The following ARFGEF3 variants were observed in gnomAD, a reference collection of about 807,000 sequenced individuals.
ARFGEF3 encodes ARFGEF family member 3, also known as brefeldin A-inhibited guanine nucleotide-exchange protein 3.
A neutral mutation model predicts 221.7 loss-of-function variants in ARFGEF3; 96 were observed. That is an observed-to-expected ratio of 0.43 (90% CI 0.37 to 0.51). The LOEUF (loss-of-function observed/expected upper bound fraction) is 0.51. Among genes scored for constraint, ARFGEF3 ranks in the 20% least tolerant of loss-of-function variants. The pLI, the probability that ARFGEF3 is intolerant of heterozygous loss-of-function variation, is 0.00. For missense variants in ARFGEF3, 2,410 were observed against 2,789.9 expected (o/e 0.86, Z 3.07); for synonymous variants, 1,145 against 1,126.8 (o/e 1.02, Z -0.32).
chr6:138,195,830 C>T (rs1214241550), intron 2 of ARFGEF3, among the ~76,000 whole-genome samples: 3 of 152,142 alleles, frequency 2.0e-5, no homozygotes, highest in South Asian at 4.2e-4. Context: ...ACGCTTTCCA[C>T]GGTGCCATGA....
chr6:138,269,686 T>G (rs759956178), intron 12 of ARFGEF3, among the ~76,000 whole-genome samples: 17 of 151,920 alleles, frequency 1.1e-4, no homozygotes, highest in Middle Eastern at 3.2e-3. Context: ...TGCGTGCCTG[T>G]AGCCCAGCTA....
intron 2 of ARFGEF3, among the ~76,000 whole-genome samples, chr6:138,172,667 A>G (rs1776860501): frequency 6.6e-6 from 1 of 152,170 alleles, no homozygotes; most frequent in Admixed American, 6.5e-5. Context: ...ATTTATGTAA[A>G]CAAGGTGTCT....
intron 1 of ARFGEF3, among the ~76,000 whole-genome samples, chr6:138,169,217 C>T (rs4896326): frequency 0.12 from 18,589 of 152,142 alleles, 1,488 homozygotes; most frequent in East Asian, 0.38. Flanking sequence ...GGTGCCCTCT[C>T]CCCAGCTACC....
intron 24 of ARFGEF3, among the ~76,000 whole-genome samples, 165 bp downstream of exon 24, chr6:138,309,026 A>G (rs1315455595): frequency 3.9e-5 from 6 of 152,182 alleles, no homozygotes; most frequent in Admixed American, 2.0e-4. Context: ...ACTGTGAAAG[A>G]AGCTTGAATT....
chr6:138,294,940 T>C (rs1225737766), intron 20 of ARFGEF3, among the ~76,000 whole-genome samples: 1 of 152,162 alleles, frequency 6.6e-6, no homozygotes, highest in African/African-American at 2.4e-5. Flanking sequence ...GTATATTTGA[T>C]TTTTTCACCC....
In ARFGEF3 at chr6:138,323,776, A is replaced by T; in HGVS notation, c.4869+3A>T. The T allele has an allele frequency of 6.2e-7, 1 of 1,612,072 alleles. No individual in the cohort carries two copies. The highest frequency in any genetic ancestry group is 1.1e-5 in the South Asian group (1 of 91,056). On this transcript the variant is annotated splice_donor_region_variant and intron_variant, in intron 30 of 33. Transcript: ENST00000251691. ...CTGCCACACTCAAGCCAGTGAAGGTACATCACTGGGAGGAAGCCCTCCCTG... is the reference window on the plus strand; with the variant it reads ...CTGCCACACTCAAGCCAGTGAAGGTTCATCACTGGGAGGAAGCCCTCCCTG...
chr6:138,278,423 C>T, intron 12 of ARFGEF3, 28 bp from the exon 13 acceptor site: 1 of 1,609,776 alleles, frequency 6.2e-7, no homozygotes, highest in Admixed American at 1.7e-5. Flanking sequence ...GTTCACACCC[C>T]CAAAAGTCCC....
chr6:138,281,827 C>A (rs1302668541), intron 14 of ARFGEF3, among the ~76,000 whole-genome samples: 1 of 152,148 alleles, frequency 6.6e-6, no homozygotes, highest in Non-Finnish European at 1.5e-5. Flanking sequence ...GGCCATAATG[C>A]CAAAGATTGG....
intron 2 of ARFGEF3, among the ~76,000 whole-genome samples, chr6:138,187,956 T>G (rs958702417): frequency 6.6e-6 from 1 of 151,910 alleles, no homozygotes; most frequent in African/African-American, 2.4e-5. Flanking sequence ...TGTGGGGGGG[T>G]TTAATCTAGG....
intron 12 of ARFGEF3, among the ~76,000 whole-genome samples, chr6:138,277,885 A>C (rs974555789): frequency 6.6e-6 from 1 of 152,216 alleles, no homozygotes; most frequent in Non-Finnish European, 1.5e-5. Context: ...AATGGAATTA[A>C]AAGGGAAGGT....
intron 5 of ARFGEF3, among the ~76,000 whole-genome samples, chr6:138,230,138 C>T (rs1778165445): frequency 6.6e-6 from 1 of 152,028 alleles, no homozygotes; most frequent in African/African-American, 2.4e-5. Context: ...TCCACCCAGG[C>T]GTATTGCTTT....
intron 5 of ARFGEF3, among the ~76,000 whole-genome samples, chr6:138,236,416 T>C (rs1778288723): frequency 6.6e-6 from 1 of 152,200 alleles, no homozygotes; most frequent in Admixed American, 6.5e-5. Flanking sequence ...ACTGCACTCA[T>C]TTAGATGTAT....
chr6:138,226,163 G>A (rs1439396355), intron 4 of ARFGEF3, among the ~76,000 whole-genome samples: 2 of 152,138 alleles, frequency 1.3e-5, no homozygotes, highest in African/African-American at 2.4e-5. Flanking sequence ...CCTTGGGAGA[G>A]GATTAATTCA....
In ARFGEF3 at chr6:138,343,070, T is replaced by G. The variant is rs1377268292; in HGVS notation, c.*6584T>G. The G allele has an allele frequency of 6.6e-6, 1 of 152,198 alleles. No homozygotes were observed. The highest frequency in any genetic ancestry group is 2.4e-5 in the African/African-American group (1 of 41,434). The allele number at this position is 152,198 out of a possible 1,614,324, so 9.4% of individuals were successfully genotyped here. ...AAGTGAATCAGTGTGCTTTGGGAAT[T>G]CAGTGAAATCATGTTAACTCATATA... On this transcript the variant is annotated 3_prime_UTR_variant, in exon 34 of 34. Transcript: ENST00000251691.
At chr6:138,224,658 C>T (rs1478342198) in intron 4 of ARFGEF3, among the ~76,000 whole-genome samples, 1 of 152,212 alleles carries the variant, frequency 6.6e-6, no homozygotes, top group Non-Finnish European at 1.5e-5. Flanking sequence ...TAGCACCTCC[C>T]AGGGCCCAGC....
intron 8 of ARFGEF3, among the ~76,000 whole-genome samples, chr6:138,245,885 G>T (rs1207139227): frequency 6.6e-6 from 1 of 152,096 alleles, no homozygotes; most frequent in South Asian, 2.1e-4. Context: ...AGAATCCTGG[G>T]CTGAGTGCTG....
At chr6:138,261,235 T>G (rs1325854560) in intron 10 of ARFGEF3, among the ~76,000 whole-genome samples, 3 of 152,124 alleles carry the variant, frequency 2.0e-5, no homozygotes, top group Non-Finnish European at 2.9e-5. Flanking sequence ...AGAACAGAGA[T>G]CCAAGTGTTT....
chr6:138,212,302 G>A (rs1215713285), intron 4 of ARFGEF3, among the ~76,000 whole-genome samples: 7 of 152,220 alleles, frequency 4.6e-5, no homozygotes. Context: ...CCAAGGCAGG[G>A]GGATGGCTTG....
At chr6:138,327,411 T>C (rs1187360092) in intron 31 of ARFGEF3, among the ~76,000 whole-genome samples, 1 of 152,162 alleles carries the variant, frequency 6.6e-6, no homozygotes, top group East Asian at 1.9e-4. Flanking sequence ...ATCATACCAC[T>C]GCACTCCAGC....
Sources: gnomAD v4.1 joint callset for allele counts (sites outside exome capture counted in the v4.1 genomes callset) on GRCh38, gnomAD v4.1.1 for gene constraint, MANE v1.5 for transcripts, NCBI Gene and HGNC (gene_info 2026-07-23, HGNC 2026-07-21) for gene names.